XKR9: variants seen among roughly 807,000 people sequenced by gnomAD.
The protein encoded by XKR9 is XK-related protein 9.
Under a neutral mutation model 32.0 loss-of-function variants are expected in XKR9, and 32 were observed. That is an observed-to-expected ratio of 1.00 (90% CI 0.76 to 1.34). The LOEUF is 1.34. Ranked by LOEUF, XKR9 falls within the 40% of genes most tolerant of loss-of-function variation. The probability of loss-of-function intolerance (pLI) is 0.00; values close to 1 mark genes in which losing one functional copy is unlikely to be tolerated. For synonymous variants in XKR9, 168 were observed against 143.4 expected, an observed-to-expected ratio of 1.17 and a Z score of -1.22; for missense variants, 546 against 429.7, an observed-to-expected ratio of 1.27 and a Z score of -2.39.
chr8:70,809,482 G>T, the XKR9 span, among the ~76,000 whole-genome samples: 7 of 152,144 alleles, frequency 4.6e-5, no homozygotes, highest in Admixed American at 1.3e-4. Flanking sequence ...TGCTTCAGAT[G>T]ATCATACTAC....
the XKR9 span, among the ~76,000 whole-genome samples, chr8:70,871,837 A>G: frequency 6.6e-6 from 1 of 152,264 alleles, no homozygotes; most frequent in African/African-American, 2.4e-5. Flanking sequence ...ACAGGTTGAA[A>G]GCTAGACTTC....
At chr8:70,688,679 G>A (rs1430976621) in intron 3 of XKR9, among the ~76,000 whole-genome samples, 1 of 150,846 alleles carries the variant, frequency 6.6e-6, no homozygotes, top group Non-Finnish European at 1.5e-5. Context: ...GCCTCCCAAA[G>A]TGCTGGGATT....
intron 4 of XKR9, among the ~76,000 whole-genome samples, chr8:70,709,559 G>T (rs1001070153): frequency 6.6e-6 from 1 of 152,044 alleles, no homozygotes; most frequent in Admixed American, 6.6e-5. Context: ...CACCCCCATG[G>T]TCTCTACCCA....
At chr8:70,997,743 G>T in the XKR9 span, among the ~76,000 whole-genome samples, 1 of 151,996 alleles carries the variant, frequency 6.6e-6, no homozygotes. Context: ...AATACCACCT[G>T]TTCCCCCCAA....
chr8:70,941,298 C>A, the XKR9 span, among the ~76,000 whole-genome samples: 8 of 152,112 alleles, frequency 5.3e-5, no homozygotes, highest in East Asian at 1.5e-3. Flanking sequence ...ATGTATCAAC[C>A]TTAATTTCTT....
the XKR9 span, among the ~76,000 whole-genome samples, chr8:70,824,193 AAAT>A: frequency 6.6e-6 from 1 of 152,116 alleles, no homozygotes; most frequent in African/African-American, 2.4e-5. Context: ...TATTTTAGAA[AAAT>A]ACTATCTAAT....
the XKR9 span, among the ~76,000 whole-genome samples, chr8:71,028,908 A>AAGAGAG: frequency 0.011 from 1,663 of 150,948 alleles, 25 homozygotes; most frequent in African/African-American, 0.029. Flanking sequence ...GACACACAGA[A>AAGAGAG]AGAGAGAGAG....
chr8:71,064,111 T>C, the XKR9 span, among the ~76,000 whole-genome samples: 2 of 152,194 alleles, frequency 1.3e-5, no homozygotes, highest in African/African-American at 4.8e-5. Flanking sequence ...GACATATCTT[T>C]AGACATAAAA....
At chr8:71,004,998 CTTTTTTTTTTTTT>C in the XKR9 span, among the ~76,000 whole-genome samples, 3 of 48,206 alleles carry the variant, frequency 6.2e-5, no homozygotes, top group Admixed American at 5.0e-4. Context: ...TTAATCTATG[CTTTTTTTTTTTTT>C]TTTTTTTTTT....
chr8:70,935,467 A>G, the XKR9 span, among the ~76,000 whole-genome samples: 2 of 151,984 alleles, frequency 1.3e-5, no homozygotes, highest in South Asian at 4.1e-4. Flanking sequence ...ATCATTTTCC[A>G]CAGAATTTGT....
chr8:71,061,006 C>G, the XKR9 span, among the ~76,000 whole-genome samples: 1 of 152,118 alleles, frequency 6.6e-6, no homozygotes, highest in South Asian at 2.1e-4. Flanking sequence ...CTGTAATAAG[C>G]CTTTCATATG....
Position 70,776,947 on chromosome 8 carries a change from C to CTCTCTCTCTATATATATA in XKR9, n.353-12391_353-12390insCTCTCTCTATATATATAT. On this transcript the variant is annotated intron_variant and non_coding_transcript_variant, in intron 2 of 3. Transcript: ENST00000520273. ...TTTCTCTCTCTCTCTCTCTCTCTCT[C>CTCTCTCTCTATATATATA]TATATATATATATATATGTATGTAT... 7.1e-3 allele frequency among the ~76,000 whole-genome samples: 386 copies of CTCTCTCTCTATATATATA among 54,164 alleles called. 5 individuals carry two copies. The highest frequency in any genetic ancestry group is 0.016 in the East Asian group (38 of 2,448). The allele number at this position is 54,164 out of a possible 152,430, so 35.5% of individuals were successfully genotyped here.
chr8:70,710,567 G>T (rs977734439), intron 4 of XKR9, among the ~76,000 whole-genome samples: 2 of 152,128 alleles, frequency 1.3e-5, no homozygotes, highest in African/African-American at 4.8e-5. Flanking sequence ...GCTGGGTGTG[G>T]TGGCATGTGC....
At chr8:71,010,584 G>A in the XKR9 span, among the ~76,000 whole-genome samples, 1 of 152,038 alleles carries the variant, frequency 6.6e-6, no homozygotes, top group African/African-American at 2.4e-5. Context: ...TTCTTTCTAG[G>A]CCAACATGAA....
At chr8:70,944,831 A>T in the XKR9 span, among the ~76,000 whole-genome samples, 2 of 152,222 alleles carry the variant, frequency 1.3e-5, no homozygotes, top group Admixed American at 6.5e-5. Flanking sequence ...ATACACAAAA[A>T]TCACTCTGTT....
chr8:70,907,562 T>G, the XKR9 span, among the ~76,000 whole-genome samples: 1 of 152,214 alleles, frequency 6.6e-6, no homozygotes, highest in Non-Finnish European at 1.5e-5. Flanking sequence ...AAAATATTGA[T>G]GAGCATAACA....
the XKR9 span, among the ~76,000 whole-genome samples, chr8:70,938,553 C>T: frequency 1.3e-5 from 2 of 152,040 alleles, no homozygotes; most frequent in East Asian, 3.9e-4. Flanking sequence ...AACCCTCTGT[C>T]ATTGTCCAGA....
downstream of XKR9, among the ~76,000 whole-genome samples, chr8:70,795,202 C>T (rs186169738): frequency 1.4e-4 from 21 of 152,194 alleles, no homozygotes; most frequent in Non-Finnish European, 1.5e-4. Context: ...CATTATTTAG[C>T]TCCCACTTGT....
the XKR9 span, among the ~76,000 whole-genome samples, chr8:71,026,082 C>A: frequency 6.6e-6 from 1 of 152,252 alleles, no homozygotes; most frequent in South Asian, 2.1e-4. Context: ...ATGGGAGATG[C>A]CAAAATTCAA....
Sources: gnomAD v4.1 joint callset for allele counts (sites outside exome capture counted in the v4.1 genomes callset) on GRCh38, gnomAD v4.1.1 for gene constraint, MANE v1.5 for transcripts, NCBI Gene and HGNC (gene_info 2026-07-23, HGNC 2026-07-21) for gene names.